SPAM1: variants seen among roughly 807,000 people sequenced by gnomAD.
SPAM1 encodes hyaluronidase PH-20.
In SPAM1, 22 loss-of-function variants were observed where a neutral mutation model predicts 29.6. That is an observed-to-expected ratio of 0.74 (90% confidence interval 0.53 to 1.06). The LOEUF is 1.06. Among genes scored for constraint, SPAM1 ranks in the 50% least tolerant of loss-of-function variants. The probability of loss-of-function intolerance (pLI) is 0.00; values close to 1 mark genes in which losing one functional copy is unlikely to be tolerated. For missense variants in SPAM1, 534 were observed against 604.0 expected (o/e 0.88, Z 1.21); for synonymous variants, 194 against 204.6 (o/e 0.95, Z 0.44).
chr7:123,962,787 T>A (rs541562260), downstream of SPAM1, among the ~76,000 whole-genome samples: 30 of 151,942 alleles, frequency 2.0e-4, no homozygotes, highest in Non-Finnish European at 3.8e-4. Flanking sequence ...TGGCAACTTC[T>A]GGTTTCAGTT....
At chr7:123,932,376 A>C (rs1169185745) in intron 1 of SPAM1, 3 of 152,228 alleles carry the variant, frequency 2.0e-5, no homozygotes, top group African/African-American at 7.2e-5. Context: ...CATTAGATCC[A>C]AATCTTTTCC....
Position 123,959,514 on chromosome 7 carries a change from G to A in SPAM1, c.1075G>A (p.Glu359Lys), listed in dbSNP as rs1792319646. ...TTGCTTGCTCCTAGACAATTACATG[G>A]AGACTATACTGAATCCTTACATAAT... ...KSCLLLDNYM[E>K]TILNPYIINV... is the part of the protein sequence containing the mutation. The change falls in exon 5 of 5, where the codon GAG (glutamate) becomes AAG (lysine). Residue 359 changes from glutamate (E) to lysine (K), a missense_variant. Coordinates refer to ENST00000682466, the MANE Select transcript of SPAM1 (RefSeq NM_153189.3). 12 of 1,609,960 alleles carry A rather than the reference G, an allele frequency of 7.5e-6. No individual in the cohort carries two copies. The highest frequency in any genetic ancestry group is 1.0e-5 in the Non-Finnish European group (12 of 1,178,062).
At chr7:123,932,757 C>T (rs373941741) in intron 1 of SPAM1, among the ~76,000 whole-genome samples, 2 of 152,192 alleles carry the variant, frequency 1.3e-5, no homozygotes, top group African/African-American at 4.8e-5. Context: ...CAAGGATAGT[C>T]TCTTGCCATT....
intron 2 of SPAM1, among the ~76,000 whole-genome samples, chr7:123,951,706 C>T (rs961583400): frequency 3.9e-5 from 6 of 152,136 alleles, no homozygotes; most frequent in Admixed American, 1.3e-4. Flanking sequence ...CCTGCAACCT[C>T]TGCCTCCCAG....
intron 1 of SPAM1, among the ~76,000 whole-genome samples, chr7:123,926,596 C>T (rs901015072): frequency 9.9e-5 from 15 of 152,014 alleles, no homozygotes; most frequent in East Asian, 3.9e-4. Context: ...CCAAGGTGGT[C>T]GGGGTACAGT....
Position 123,954,358 on chromosome 7 carries a change from T to G in SPAM1, c.788T>G (p.Ile263Ser). The G allele has an allele frequency of 6.2e-7, 1 of 1,613,536 alleles. No homozygotes were observed. The highest frequency in any genetic ancestry group is 8.5e-7 in the Non-Finnish European group (1 of 1,179,648). ...GAAAGCACTGCTCTTTACCCATCCATTTATTTGAACACTCAGCAGTCTCCT... is the reference window on the plus strand; with the variant it reads ...GAAAGCACTGCTCTTTACCCATCCAGTTATTTGAACACTCAGCAGTCTCCT... Reference protein sequence around the residue: ...WNESTALYPSIYLNTQQSPVA... With the variant: ...WNESTALYPSSYLNTQQSPVA... The change falls in exon 3 of 5, where the codon ATT (isoleucine) becomes AGT (serine). Residue 263 changes from isoleucine (I) to serine (S), a missense_variant. Transcript: ENST00000682466.
chr7:123,947,835 C>G (rs1422862436), intron 1 of SPAM1: 1 of 152,030 alleles, frequency 6.6e-6, no homozygotes, highest in Non-Finnish European at 1.5e-5. Flanking sequence ...TAGGAAAAAG[C>G]AGGTACTGTT....
intron 1 of SPAM1, chr7:123,926,037 C>T (rs925336959): frequency 6.6e-6 from 1 of 151,580 alleles, no homozygotes; most frequent in Non-Finnish European, 1.5e-5. Flanking sequence ...TTCATCATGC[C>T]AAAAGGAAAA....
At chr7:123,933,790 C>G (rs547554397) in intron 1 of SPAM1, among the ~76,000 whole-genome samples, 1 of 152,184 alleles carries the variant, frequency 6.6e-6, no homozygotes, top group African/African-American at 2.4e-5. Context: ...AGACATTTCT[C>G]AAAAGAAGAC....
At chr7:123,932,526 C>G (rs1808119105) in intron 1 of SPAM1, 1 of 152,754 alleles carries the variant, frequency 6.5e-6, no homozygotes, top group Non-Finnish European at 1.5e-5. Context: ...TTACTCTGCA[C>G]ATGGACCAGA....
intron 4 of SPAM1, among the ~76,000 whole-genome samples, chr7:123,958,159 G>A (rs1386517181): frequency 1.3e-5 from 2 of 152,000 alleles, no homozygotes; most frequent in African/African-American, 4.8e-5. Context: ...CAAGGAAGAT[G>A]AAAAGAAATA....
intron 1 of SPAM1, among the ~76,000 whole-genome samples, chr7:123,930,937 G>A (rs892283531): frequency 2.6e-5 from 4 of 152,082 alleles, no homozygotes; most frequent in African/African-American, 4.8e-5. Flanking sequence ...GATGTCCTTC[G>A]TAGCTAAGGA....
intron 5 of SPAM1, among the ~76,000 whole-genome samples, chr7:123,967,974 G>C (rs2117080894): frequency 6.6e-6 from 1 of 152,108 alleles, no homozygotes; most frequent in Admixed American, 6.6e-5. Context: ...GATAGAATTA[G>C]AAATCAATAC....
At chr7:123,942,319 C>A (rs1207267165) in intron 1 of SPAM1, among the ~76,000 whole-genome samples, 3 of 152,120 alleles carry the variant, frequency 2.0e-5, no homozygotes, top group Admixed American at 1.3e-4. Flanking sequence ...TTCGGCAAGA[C>A]TAGAATCTAA....
chr7:123,963,926 C>T (rs1467426473), downstream of SPAM1, among the ~76,000 whole-genome samples: 1 of 151,752 alleles, frequency 6.6e-6, no homozygotes, highest in East Asian at 1.9e-4. Context: ...GGTAGGTGCT[C>T]AATACATAGC....
chr7:123,936,963 C>A (rs183199665), intron 1 of SPAM1, among the ~76,000 whole-genome samples: 51 of 152,290 alleles, frequency 3.3e-4, no homozygotes, highest in Middle Eastern at 3.4e-3. Context: ...CCTCCTCCCA[C>A]CTCACCTTTC....
In SPAM1 at chr7:123,959,917, T is replaced by C; in HGVS notation, c.1478T>C (p.Met493Thr). 6.2e-7 allele frequency: 1 copy of C among 1,611,618 alleles called. No individual in the cohort carries two copies. The highest frequency in any genetic ancestry group is 8.5e-7 in the Non-Finnish European group (1 of 1,179,114). ...NASPSTLSAT[M>T]FIVSILFLII... ...TCACCCTCCACACTATCTGCCACAA[T>C]GTTCATTGTTAGTATTTTGTTTCTT... Residue 493 changes from methionine (M) to threonine (T), a missense_variant, in exon 5 of 5, where the codon ATG becomes ACG. Transcript: ENST00000682466.
At chr7:123,952,952 C>T (rs1403349878) in intron 2 of SPAM1, among the ~76,000 whole-genome samples, 2 of 149,914 alleles carry the variant, frequency 1.3e-5, no homozygotes, top group Non-Finnish European at 3.0e-5. Flanking sequence ...AATGAAATTT[C>T]ACAATTCTAT....
chr7:123,935,259 C>G (rs947134564), intron 1 of SPAM1, among the ~76,000 whole-genome samples: 1 of 152,100 alleles, frequency 6.6e-6, no homozygotes, highest in Admixed American at 6.6e-5. Context: ...TCACTCTCAA[C>G]TCAAAATAAC....
Sources: allele counts gnomAD v4.1 joint callset (sites outside exome capture counted in the v4.1 genomes callset), GRCh38; gene constraint gnomAD v4.1.1; transcripts MANE v1.5; gene names NCBI Gene and HGNC (gene_info 2026-07-23, HGNC 2026-07-21).